The following GPC5 variants were observed in gnomAD, a reference collection of about 807,000 sequenced individuals.
GPC5 encodes glypican 5, also known as glypican-5.
GPC5 carries 47 observed loss-of-function variants against 53.9 expected under a neutral mutation model. That is an observed-to-expected ratio of 0.87 (90% CI 0.69 to 1.11). The LOEUF (loss-of-function observed/expected upper bound fraction) is 1.11, where lower values mean the gene tolerates loss of function less well. Ranked by LOEUF, GPC5 falls within the 50% of genes most tolerant of loss-of-function variation. The probability of loss-of-function intolerance (pLI) is 0.00; values close to 1 mark genes in which losing one functional copy is unlikely to be tolerated. For missense variants in GPC5, 748 were observed against 713.1 expected (o/e 1.05, Z -0.56); for synonymous variants, 286 against 263.3 (o/e 1.09, Z -0.84).
At chr13:91,893,122 C>A (rs934782529) in intron 5 of GPC5, among the ~76,000 whole-genome samples, 1 of 151,940 alleles carries the variant, frequency 6.6e-6, no homozygotes, top group African/African-American at 2.4e-5. Flanking sequence ...ATTACTCTCA[C>A]ATATCAAAGA....
chr13:92,529,633 C>G (rs1003852749), intron 7 of GPC5, among the ~76,000 whole-genome samples: 4 of 152,138 alleles, frequency 2.6e-5, no homozygotes, highest in African/African-American at 9.7e-5. Flanking sequence ...GAATTCTGAT[C>G]ACAGTTCTCA....
intron 7 of GPC5, among the ~76,000 whole-genome samples, chr13:92,523,565 A>G (rs923061946): frequency 1.3e-5 from 2 of 152,096 alleles, no homozygotes; most frequent in African/African-American, 4.8e-5. Flanking sequence ...ACTTTTAATA[A>G]TTATTTTAGA....
intron 7 of GPC5, among the ~76,000 whole-genome samples, chr13:92,709,889 G>C (rs866481553): frequency 6.6e-6 from 1 of 152,170 alleles, no homozygotes; most frequent in Non-Finnish European, 1.5e-5. Context: ...CTTGGCCATA[G>C]CTCCTCTTCT....
At chr13:91,793,498 A>T (rs1465004559) in intron 5 of GPC5, among the ~76,000 whole-genome samples, 1 of 152,154 alleles carries the variant, frequency 6.6e-6, no homozygotes, top group Admixed American at 6.6e-5. Flanking sequence ...CACATTATAG[A>T]AACTCTTTTA....
At chr13:91,990,739 G>A (rs2040449314) in intron 6 of GPC5, among the ~76,000 whole-genome samples, 1 of 152,176 alleles carries the variant, frequency 6.6e-6, no homozygotes. Flanking sequence ...CACGCAGTCA[G>A]AGAACTGTCA....
chr13:91,498,378 G>A lies in GPC5; in HGVS notation c.325+49456G>A, dbSNP rs566181230. 1.6e-4 allele frequency among the ~76,000 whole-genome samples: 24 copies of A among 152,006 alleles called. No homozygotes were observed. In the South Asian group the frequency reaches 1.7e-3, roughly 11 times the overall value. On this transcript the variant is annotated intron_variant, in intron 2 of 7. Transcript: ENST00000377067. ...CATTTTGTTGACCGACTGAGTGAACGAGTAAAGGAGAAAAAAGCAACCTGT... is the reference window on the plus strand; with the variant it reads ...CATTTTGTTGACCGACTGAGTGAACAAGTAAAGGAGAAAAAAGCAACCTGT...
intron 2 of GPC5, among the ~76,000 whole-genome samples, chr13:91,661,793 C>A (rs892744844): frequency 1.3e-5 from 2 of 152,020 alleles, no homozygotes; most frequent in African/African-American, 4.8e-5. Context: ...AGACTGGAAT[C>A]AGAGAAAGTG....
At chr13:91,447,830 A>G (rs541507627) in intron 1 of GPC5, among the ~76,000 whole-genome samples, 1 of 152,180 alleles carries the variant, frequency 6.6e-6, no homozygotes, top group East Asian at 1.9e-4. Flanking sequence ...GTATTAGGCC[A>G]TTATGTAAAT....
At chr13:92,541,351 C>T (rs972777034) in intron 7 of GPC5, among the ~76,000 whole-genome samples, 14 of 151,412 alleles carry the variant, frequency 9.2e-5, no homozygotes, top group African/African-American at 1.5e-4. Flanking sequence ...GTATTTATTA[C>T]GGGGAAATAA....
chr13:91,850,972 C>T (rs963090740), intron 5 of GPC5, among the ~76,000 whole-genome samples: 1 of 152,070 alleles, frequency 6.6e-6, no homozygotes, highest in Non-Finnish European at 1.5e-5. Context: ...AGACACATAC[C>T]TGCCTCTTTG....
At chr13:92,613,036 T>C (rs1884491171) in intron 7 of GPC5, among the ~76,000 whole-genome samples, 1 of 151,218 alleles carries the variant, frequency 6.6e-6, no homozygotes, top group Non-Finnish European at 1.5e-5. Flanking sequence ...TAAGTGCAAA[T>C]GGGTTATTGC....
At chr13:92,574,398 T>A (rs1301149947) in intron 7 of GPC5, among the ~76,000 whole-genome samples, 2 of 152,060 alleles carry the variant, frequency 1.3e-5, no homozygotes, top group Non-Finnish European at 2.9e-5. Context: ...AATAAATTAA[T>A]TTTTTTTCAA....
intron 2 of GPC5, among the ~76,000 whole-genome samples, chr13:91,559,897 A>C (rs2210870): frequency 0.16 from 24,371 of 152,096 alleles, 2,242 homozygotes; most frequent in African/African-American, 0.26. Context: ...GATAGTTTAC[A>C]TACAAAAATA....
At chr13:92,391,768 G>T (rs905783119) in intron 7 of GPC5, among the ~76,000 whole-genome samples, 1 of 151,762 alleles carries the variant, frequency 6.6e-6, no homozygotes, top group Non-Finnish European at 1.5e-5. Flanking sequence ...TTATTTTTAA[G>T]AGGCCACCAA....
At chr13:92,580,913 C>T (rs764086943) in intron 7 of GPC5, among the ~76,000 whole-genome samples, 28 of 151,962 alleles carry the variant, frequency 1.8e-4, no homozygotes, top group African/African-American at 4.6e-4. Flanking sequence ...TATGCATATA[C>T]GTATCTACAG....
chr13:92,031,737 T>A lies in GPC5; in HGVS notation c.1402-113093T>A, dbSNP rs1489970629. ...TACATATATGTAATATATTACATAT[T>A]ATATATAATATATATTATATTACAT... On this transcript the variant is annotated intron_variant, in intron 6 of 7. Coordinates refer to ENST00000377067, the MANE Select transcript of GPC5 (RefSeq NM_004466.6). Among the ~76,000 whole-genome samples the A allele has an allele frequency of 1.2e-4, 7 of 58,168 alleles. 1 individual carries two copies. The highest frequency in any genetic ancestry group is 2.3e-4 in the Non-Finnish European group (7 of 30,560). The allele number at this position is 58,168 out of a possible 152,430, so 38.2% of individuals were successfully genotyped here.
chr13:91,809,638 T>G (rs147534714), intron 5 of GPC5, among the ~76,000 whole-genome samples: 56 of 152,172 alleles, frequency 3.7e-4, no homozygotes, highest in Admixed American at 1.4e-3. Flanking sequence ...CTCTCTTATC[T>G]CCCTTAGAAT....
At position 92,566,407 on chromosome 13, in the gene GPC5, A is replaced by T. The variant is rs189418568; in HGVS notation, c.1562-299875A>T. 1.3e-3 allele frequency among the ~76,000 whole-genome samples: 198 copies of T among 152,278 alleles called. 1 individual carries two copies. Among genetic ancestry groups the T allele is most frequent in the Admixed American group, 2.2e-3 (33 of 15,264 alleles). ...ATATCTTTAAAGCTAAATGAATCAC[A>T]TGAAGACAAGGAGATTGAATAGAAG... On this transcript the variant is annotated intron_variant, in intron 7 of 7. Transcript: ENST00000377067.
At chr13:91,443,843 G>A (rs150610591) in intron 1 of GPC5, among the ~76,000 whole-genome samples, 143 of 152,190 alleles carry the variant, frequency 9.4e-4, no homozygotes, top group African/African-American at 3.4e-3. Flanking sequence ...CTTACTTAAC[G>A]TCTTCTTTAT....
Sources: allele counts gnomAD v4.1 joint callset (sites outside exome capture counted in the v4.1 genomes callset), GRCh38; gene constraint gnomAD v4.1.1; transcripts MANE v1.5; gene names NCBI Gene and HGNC (gene_info 2026-07-23, HGNC 2026-07-21).